Variants in ZNF385D observed in about 807,000 individuals in gnomAD.
The protein encoded by ZNF385D is zinc finger protein 385D.
ZNF385D carries 15 observed loss-of-function variants against 35.8 expected under a neutral mutation model. The ratio of observed to expected loss-of-function variants is 0.42; its 90% CI spans 0.28 to 0.64. ZNF385D has a LOEUF of 0.64. Ranked by LOEUF, ZNF385D falls within the 30% of genes least tolerant of loss-of-function variation. The pLI, the probability that ZNF385D is intolerant of heterozygous loss-of-function variation, is 0.23. For missense variants in ZNF385D, 474 were observed against 494.6 expected (o/e 0.96, Z 0.39); for synonymous variants, 212 against 186.8 (o/e 1.13, Z -1.10).
At chr3:21,754,124 C>T (rs2070231995), upstream of ZNF385D, among the ~76,000 whole-genome samples, 1 of 152,136 alleles carries the variant, frequency 6.6e-6, no homozygotes, top group South Asian at 2.1e-4. Flanking sequence ...GTGAGTAATA[C>T]TGCAATGAAC....
intron 2 of ZNF385D, among the ~76,000 whole-genome samples, chr3:22,348,916 C>G (rs1305881880): frequency 6.6e-6 from 1 of 152,138 alleles, no homozygotes; most frequent in Admixed American, 6.5e-5. Flanking sequence ...AGCATGTAGA[C>G]AAAGCTAGCC....
chr3:21,426,945 A>G (rs1701051458), intron 5 of ZNF385D, among the ~76,000 whole-genome samples: 2 of 152,200 alleles, frequency 1.3e-5, no homozygotes, highest in South Asian at 2.1e-4. Context: ...TTAAATATCC[A>G]TATTCTTTTC....
chr3:21,805,631 C>G (rs2072607486), intron 3 of ZNF385D, among the ~76,000 whole-genome samples: 1 of 152,306 alleles, frequency 6.6e-6, no homozygotes, highest in African/African-American at 2.4e-5. Context: ...AAAAGCAGAG[C>G]AGTCTTTGAT....
intron 4 of ZNF385D, among the ~76,000 whole-genome samples, chr3:21,444,548 C>A (rs564207231): frequency 6.6e-6 from 1 of 151,802 alleles, no homozygotes. Context: ...CCACGCCCAG[C>A]TAATTTTTTT....
intron 1 of ZNF385D, among the ~76,000 whole-genome samples, chr3:21,736,382 G>A (rs1432353586): frequency 1.3e-5 from 2 of 152,138 alleles, no homozygotes; most frequent in South Asian, 2.1e-4. Context: ...AAAAAGTATG[G>A]AATTAGAAAT....
chr3:21,595,571 A>G (rs1215129039), intron 2 of ZNF385D, among the ~76,000 whole-genome samples: 1 of 151,770 alleles, frequency 6.6e-6, no homozygotes, highest in Admixed American at 6.6e-5. Context: ...CTACGTGAGC[A>G]ATGTTGAATA....
chr3:21,667,472 T>C (rs1239197009), intron 1 of ZNF385D, among the ~76,000 whole-genome samples: 6 of 152,202 alleles, frequency 3.9e-5, no homozygotes, highest in Non-Finnish European at 7.3e-5. Context: ...CTAAATTACT[T>C]TCATTTGTGT....
chr3:21,758,992 A>C (rs1373588808), intron 3 of ZNF385D, among the ~76,000 whole-genome samples: 4 of 147,856 alleles, frequency 2.7e-5, no homozygotes, highest in African/African-American at 1.0e-4. Context: ...AAAAAAAAAA[A>C]AAAAAAAAAA....
chr3:21,694,856 A>T (rs1167891147), intron 1 of ZNF385D, among the ~76,000 whole-genome samples: 3 of 152,208 alleles, frequency 2.0e-5, no homozygotes, highest in Admixed American at 6.5e-5. Flanking sequence ...ACAAACAAGC[A>T]AAAAGAAGGA....
At chr3:21,852,306 G>C (rs1696431822) in intron 3 of ZNF385D, among the ~76,000 whole-genome samples, 1 of 151,902 alleles carries the variant, frequency 6.6e-6, no homozygotes, top group Non-Finnish European at 1.5e-5. Flanking sequence ...AGGCAATTTA[G>C]AGAAGGTAGA....
intron 3 of ZNF385D, among the ~76,000 whole-genome samples, chr3:21,952,036 C>T (rs1702090386): frequency 6.7e-6 from 1 of 149,902 alleles, no homozygotes; most frequent in Non-Finnish European, 1.5e-5. Flanking sequence ...CAACACAAGA[C>T]TGTCTTGAGC....
At chr3:21,582,317 C>G (rs1575245240) in intron 2 of ZNF385D, among the ~76,000 whole-genome samples, 1 of 152,102 alleles carries the variant, frequency 6.6e-6, no homozygotes, top group Non-Finnish European at 1.5e-5. Context: ...AAAACAAAAA[C>G]TGATGGAGAA....
rs192393416 is a variant in ZNF385D at position 21,444,153 on chromosome 3, C to T, written c.440-6950G>A. Among the ~76,000 whole-genome samples, 103 of 150,814 alleles carry T rather than the reference C, an allele frequency of 6.8e-4. 1 individual carries two copies. The highest frequency in any genetic ancestry group is 2.4e-3 in the African/African-American group (99 of 40,882). The stretch of plus-strand genomic sequence containing the variant: ...GGAGTACAGTTGCACAATCTCGGCC[C>T]ACTGCAACCTCTGCCTCCCAGGTTC... On this transcript the variant is annotated intron_variant, in intron 4 of 7. Transcript: ENST00000281523.
intron 3 of ZNF385D, among the ~76,000 whole-genome samples, chr3:21,803,605 C>T (rs929186567): frequency 9.2e-5 from 14 of 152,126 alleles, no homozygotes; most frequent in Admixed American, 7.2e-4. Flanking sequence ...ATGAAATATC[C>T]ATATTTGTAA....
At chr3:22,095,913 T>G (rs2125612837) in intron 3 of ZNF385D, among the ~76,000 whole-genome samples, 1 of 152,050 alleles carries the variant, frequency 6.6e-6, no homozygotes, top group East Asian at 1.9e-4. Flanking sequence ...ATTCACCATA[T>G]TATATCTACT....
intron 2 of ZNF385D, among the ~76,000 whole-genome samples, chr3:22,258,250 T>A (rs1204480331): frequency 1.3e-5 from 2 of 151,798 alleles, no homozygotes; most frequent in Non-Finnish European, 2.9e-5. Context: ...AAGCTTTAAA[T>A]GTTAGAGCTA....
At chr3:22,259,514 G>A (rs971511514) in intron 2 of ZNF385D, among the ~76,000 whole-genome samples, 2 of 151,946 alleles carry the variant, frequency 1.3e-5, no homozygotes, top group Non-Finnish European at 2.9e-5. Context: ...CACTCATACA[G>A]CACCTTTCCT....
intron 3 of ZNF385D, among the ~76,000 whole-genome samples, chr3:21,897,800 T>C (rs972099176): frequency 3.9e-5 from 6 of 152,140 alleles, no homozygotes; most frequent in Admixed American, 2.6e-4. Context: ...TATAGATGCA[T>C]TCATGTGATC....
chr3:21,558,875 C>A (rs4858333), intron 3 of ZNF385D, among the ~76,000 whole-genome samples: 103,139 of 151,892 alleles, frequency 0.68, 35,810 homozygotes, highest in African/African-American at 0.84. Flanking sequence ...TATTTAGGAT[C>A]GTTAGCTCTT....
Sources: gnomAD v4.1 joint callset for allele counts (sites outside exome capture counted in the v4.1 genomes callset) on GRCh38, gnomAD v4.1.1 for gene constraint, MANE v1.5 for transcripts, NCBI Gene and HGNC (gene_info 2026-07-23, HGNC 2026-07-21) for gene names.